Variants in NFIB observed in about 807,000 individuals in gnomAD.
NFIB encodes nuclear factor 1 B-type.
NFIB carries 11 observed loss-of-function variants against 61.5 expected under a neutral mutation model. The ratio of observed to expected loss-of-function variants is 0.18; its 90% CI spans 0.11 to 0.30. The LOEUF (loss-of-function observed/expected upper bound fraction) is 0.30, where lower values mean the gene tolerates loss of function less well. Among genes scored for constraint, NFIB ranks in the 10% least tolerant of loss-of-function variants. The pLI, the probability that NFIB is intolerant of heterozygous loss-of-function variation, is 1.00. For missense variants in NFIB, 471 were observed against 608.9 expected (o/e 0.77, Z 2.38); for synonymous variants, 260 against 216.5 (o/e 1.20, Z -1.76).
At chr9:14,173,063 T>G (rs553402009) in intron 3 of NFIB, among the ~76,000 whole-genome samples, 6 of 152,352 alleles carry the variant, frequency 3.9e-5, no homozygotes, top group African/African-American at 1.2e-4. Flanking sequence ...CATTTCTATT[T>G]GATTCCACAT....
chr9:14,368,391 G>A (rs2061325370), intron 1 of NFIB, among the ~76,000 whole-genome samples: 1 of 152,152 alleles, frequency 6.6e-6, no homozygotes, highest in South Asian at 2.1e-4. Flanking sequence ...GCTTTTAAAA[G>A]TTGTTTACTT....
At chr9:14,100,715 A>G (rs2035652957) in intron 10 of NFIB, among the ~76,000 whole-genome samples, 1 of 152,262 alleles carries the variant, frequency 6.6e-6, no homozygotes, top group Non-Finnish European at 1.5e-5. Flanking sequence ...CTCCGTCTCA[A>G]AACAAAAACA....
At chr9:14,444,491 C>G in the NFIB span, among the ~76,000 whole-genome samples, 1 of 152,208 alleles carries the variant, frequency 6.6e-6, no homozygotes, top group Admixed American at 6.5e-5. Context: ...TGTTGAAACT[C>G]TGAGAATGGA....
At chr9:14,247,194 T>C (rs1261087134) in intron 2 of NFIB, among the ~76,000 whole-genome samples, 2 of 152,216 alleles carry the variant, frequency 1.3e-5, no homozygotes, top group African/African-American at 2.4e-5. Context: ...CCAAGCTGAC[T>C]AGGACTTATA....
At chr9:14,212,029 T>C (rs1485491247) in intron 2 of NFIB, among the ~76,000 whole-genome samples, 10 of 152,232 alleles carry the variant, frequency 6.6e-5, no homozygotes, top group Admixed American at 6.5e-5. Context: ...TTAGTGTTAA[T>C]GCAAATACGT....
At chr9:14,436,724 T>C in the NFIB span, among the ~76,000 whole-genome samples, 2 of 152,230 alleles carry the variant, frequency 1.3e-5, no homozygotes, top group Non-Finnish European at 2.9e-5. Context: ...GATTGTGCTA[T>C]ATCAATAGTG....
chr9:14,265,265 T>A (rs1336383866), intron 2 of NFIB, among the ~76,000 whole-genome samples: 1 of 152,230 alleles, frequency 6.6e-6, no homozygotes, highest in Non-Finnish European at 1.5e-5. Flanking sequence ...ACAGACTGAA[T>A]GTTTATGTCC....
At chr9:14,487,265 A>G in the NFIB span, among the ~76,000 whole-genome samples, 1 of 152,268 alleles carries the variant, frequency 6.6e-6, no homozygotes, top group African/African-American at 2.4e-5. Context: ...TGGTTACGGT[A>G]ACATTTATAT....
At chr9:14,163,330 G>T (rs1353307019) in intron 3 of NFIB, among the ~76,000 whole-genome samples, 1 of 151,888 alleles carries the variant, frequency 6.6e-6, no homozygotes, top group Non-Finnish European at 1.5e-5. Context: ...AATGTATATG[G>T]ACTGAATTTT....
chr9:14,161,968 T>C (rs1345348810), intron 3 of NFIB, among the ~76,000 whole-genome samples: 17 of 152,204 alleles, frequency 1.1e-4, no homozygotes, highest in Non-Finnish European at 1.5e-5. Flanking sequence ...GATTTGTTTT[T>C]AATTGTGGCA....
At chr9:14,497,654 T>C in the NFIB span, among the ~76,000 whole-genome samples, 1 of 152,232 alleles carries the variant, frequency 6.6e-6, no homozygotes, top group African/African-American at 2.4e-5. Context: ...CTGATTCATC[T>C]TCCAGGATGC....
chr9:14,457,392 T>C, the NFIB span, among the ~76,000 whole-genome samples: 1 of 152,234 alleles, frequency 6.6e-6, no homozygotes, highest in Admixed American at 6.5e-5. Context: ...TCTCACTAAA[T>C]GCCCATAAGA....
intron 6 of NFIB, among the ~76,000 whole-genome samples, chr9:14,143,261 T>A (rs1217764144): frequency 5.3e-5 from 8 of 152,118 alleles, no homozygotes; most frequent in African/African-American, 9.6e-5. Context: ...TTACTAAAAT[T>A]GCATGAACAT....
At chr9:14,280,348 T>C (rs910431353) in intron 2 of NFIB, among the ~76,000 whole-genome samples, 7 of 152,006 alleles carry the variant, frequency 4.6e-5, no homozygotes, top group African/African-American at 1.4e-4. Context: ...TAGATGAAAA[T>C]ACGCACACAC....
intron 2 of NFIB, among the ~76,000 whole-genome samples, chr9:14,195,235 G>A (rs753350600): frequency 2.0e-4 from 30 of 152,102 alleles, no homozygotes; most frequent in Non-Finnish European, 3.7e-4. Context: ...GCCAGAGATG[G>A]CAAGGTTTGA....
At chr9:14,188,817 C>T (rs1278824548) in intron 2 of NFIB, among the ~76,000 whole-genome samples, 2 of 152,128 alleles carry the variant, frequency 1.3e-5, no homozygotes, top group Non-Finnish European at 2.9e-5. Flanking sequence ...ACATTTTTTC[C>T]CCTTGGAAAC....
chr9:14,192,191 T>C (rs367766052), intron 2 of NFIB, among the ~76,000 whole-genome samples: 1 of 152,200 alleles, frequency 6.6e-6, no homozygotes, highest in Non-Finnish European at 1.5e-5. Flanking sequence ...ATTTAAAGCA[T>C]GTTAAAATTC....
the NFIB span, among the ~76,000 whole-genome samples, chr9:14,476,153 A>G: frequency 6.6e-6 from 1 of 152,132 alleles, no homozygotes; most frequent in East Asian, 1.9e-4. Context: ...TAAACCAAAT[A>G]TTAGAAGTTC....
At chr9:14,204,748 G>C (rs10756539) in intron 2 of NFIB, 476,048 of 557,834 alleles carry the variant, frequency 0.85, 204,685 homozygotes, top group South Asian at 0.94. Context: ...AGCTGGTTGT[G>C]TTCCTGCCTG....
Sources: allele counts gnomAD v4.1 joint callset (sites outside exome capture counted in the v4.1 genomes callset), GRCh38; gene constraint gnomAD v4.1.1; transcripts MANE v1.5; gene names NCBI Gene and HGNC (gene_info 2026-07-23, HGNC 2026-07-21).